DAB1: variants seen among roughly 807,000 people sequenced by gnomAD.
DAB1 encodes disabled homolog 1.
DAB1 carries 15 observed loss-of-function variants against 64.6 expected under a neutral mutation model. The ratio of observed to expected loss-of-function variants is 0.23; its 90% CI spans 0.16 to 0.36. The LOEUF is 0.36. DAB1 is among the 10% of genes least tolerant of loss of function. The pLI is 1.00. For missense variants in DAB1, 596 were observed against 706.7 expected (o/e 0.84, Z 1.78); for synonymous variants, 235 against 251.9 (o/e 0.93, Z 0.64).
chr1:57,287,166 G>A (rs1672383021), intron 2 of DAB1, among the ~76,000 whole-genome samples: 1 of 152,096 alleles, frequency 6.6e-6, no homozygotes, highest in Non-Finnish European at 1.5e-5. Context: ...CCAATTCATG[G>A]GCTCAAGCCA....
intron 4 of DAB1, among the ~76,000 whole-genome samples, chr1:58,187,266 C>T (rs967021236): frequency 2.0e-5 from 3 of 149,820 alleles, no homozygotes; most frequent in African/African-American, 4.9e-5. Flanking sequence ...CAAGTCCAGC[C>T]TGGACACCAA....
chr1:57,674,324 G>A (rs989761708), intron 6 of DAB1, among the ~76,000 whole-genome samples: 1 of 152,168 alleles, frequency 6.6e-6, no homozygotes, highest in Admixed American at 6.6e-5. Context: ...TTTTATGGAT[G>A]AGCAAATTGA....
rs547345451 is a variant in DAB1 at position 57,134,587 on chromosome 1, C to T, written c.306+1956G>A. ...ATTGGGTACTAGGCTTAGTACCTAG[C>T]TGACAGAATAATTTGTACAACAAAC... On this transcript the variant is annotated intron_variant, in intron 4 of 14. Coordinates refer to ENST00000371236, the MANE Select transcript of DAB1 (RefSeq NM_001365792.1). Among the ~76,000 whole-genome samples, 11 of 152,104 alleles carry T rather than the reference C, an allele frequency of 7.2e-5. No individual in the cohort carries two copies. In the South Asian group the frequency reaches 1.9e-3, roughly 26 times the overall value.
rs542505906 is a variant in DAB1 at position 57,423,932 on chromosome 1, C to T, written c.-139G>A. 1.3e-5 allele frequency: 2 copies of T among 152,196 alleles called. No individual in the cohort carries two copies. The highest frequency in any genetic ancestry group is 1.3e-4 in the Admixed American group (2 of 15,282). The allele number at this position is 152,196 out of a possible 1,614,324, so 9.4% of individuals were successfully genotyped here. On this transcript the variant is annotated splice_region_variant and 5_prime_UTR_variant, in exon 1 of 15. Transcript: ENST00000371236. ...CGCGCGCCCCCGCCGCGCCTCACCT[C>T]GCCTAGCCCAGAGCATCCTCCTCCG...
At chr1:57,096,523 C>A (rs552548584) in intron 4 of DAB1, among the ~76,000 whole-genome samples, 1 of 152,224 alleles carries the variant, frequency 6.6e-6, no homozygotes, top group South Asian at 2.1e-4. Flanking sequence ...GCTCTGCATC[C>A]CCATCTTCCT....
chr1:58,524,977 G>A (rs1038893779), intron 2 of DAB1, among the ~76,000 whole-genome samples: 1 of 152,152 alleles, frequency 6.6e-6, no homozygotes, highest in Non-Finnish European at 1.5e-5. Context: ...GCAACAGGAA[G>A]TGAATACAAA....
chr1:57,072,863 T>A (rs907456878), intron 4 of DAB1, among the ~76,000 whole-genome samples: 3 of 152,322 alleles, frequency 2.0e-5, no homozygotes, highest in African/African-American at 7.2e-5. Context: ...ACTATACATG[T>A]GCATGGTGAC....
chr1:58,490,884 C>G (rs975116547), intron 3 of DAB1, among the ~76,000 whole-genome samples: 2 of 140,110 alleles, frequency 1.4e-5, no homozygotes, highest in Non-Finnish European at 3.0e-5. Flanking sequence ...CGGCTCACAG[C>G]AAGCTCTGCC....
At chr1:57,964,611 CA>C (rs1330322096) in intron 5 of DAB1, among the ~76,000 whole-genome samples, 182 of 152,278 alleles carry the variant, frequency 1.2e-3, no homozygotes, top group African/African-American at 4.2e-3. Context: ...TTTGACATTA[CA>C]ATTGTTTACA....
intron 3 of DAB1, among the ~76,000 whole-genome samples, chr1:58,375,130 G>A (rs1432700721): frequency 6.7e-6 from 1 of 149,230 alleles, no homozygotes; most frequent in East Asian, 1.9e-4. Context: ...CTGCAAACAG[G>A]GACAATTTGA....
At chr1:58,253,766 C>A (rs1437632622) in intron 4 of DAB1, among the ~76,000 whole-genome samples, 8 of 152,202 alleles carry the variant, frequency 5.3e-5, no homozygotes, top group African/African-American at 1.9e-4. Flanking sequence ...CCTTCTGGCT[C>A]CAAATCTAGG....
chr1:57,050,072 C>G (rs1043788922), intron 9 of DAB1, among the ~76,000 whole-genome samples: 3 of 152,282 alleles, frequency 2.0e-5, no homozygotes, highest in African/African-American at 7.2e-5. Flanking sequence ...TCCCTAAGGA[C>G]AGTAGCCACT....
intron 3 of DAB1, among the ~76,000 whole-genome samples, chr1:58,505,379 A>C (rs543107300): frequency 6.6e-6 from 1 of 152,262 alleles, no homozygotes; most frequent in African/African-American, 2.4e-5. Flanking sequence ...GAGAGCGTGT[A>C]ACGTGGCTCA....
At chr1:57,330,565 C>T (rs1367856071) in intron 1 of DAB1, among the ~76,000 whole-genome samples, 4 of 152,160 alleles carry the variant, frequency 2.6e-5, no homozygotes, top group Non-Finnish European at 5.9e-5. Context: ...AAGCATCAAG[C>T]CCTGAATGTA....
At chr1:57,981,880 C>T (rs1646074956) in intron 5 of DAB1, among the ~76,000 whole-genome samples, 1 of 152,188 alleles carries the variant, frequency 6.6e-6, no homozygotes, top group Non-Finnish European at 1.5e-5. Context: ...TTTCCTTTCT[C>T]TTAACCCACT....
At chr1:57,807,041 G>T (rs766323045) in intron 6 of DAB1, among the ~76,000 whole-genome samples, 1 of 152,194 alleles carries the variant, frequency 6.6e-6, no homozygotes, top group Admixed American at 6.5e-5. Context: ...TGCTCTCCCC[G>T]ACTGGCATGA....
chr1:57,036,159 T>C (rs1371272929), intron 9 of DAB1, among the ~76,000 whole-genome samples: 1 of 152,046 alleles, frequency 6.6e-6, no homozygotes, highest in East Asian at 1.9e-4. Flanking sequence ...TATTTGGAAA[T>C]AGAGGAAAAA....
intron 3 of DAB1, among the ~76,000 whole-genome samples, chr1:57,141,028 T>G (rs1430444648): frequency 6.6e-6 from 1 of 152,190 alleles, no homozygotes. Context: ...AAAACATATG[T>G]GTAAATGCAG....
At position 57,272,244 on chromosome 1, in the gene DAB1, A is replaced by G. The variant is rs1558064052; in HGVS notation, c.67+18720T>C. ...AGGCTGAGCATTCAGCCTTAAAGCCATAAAGTAGAACCACACGCCTGGAGA... is the reference window on the plus strand; with the variant it reads ...AGGCTGAGCATTCAGCCTTAAAGCCGTAAAGTAGAACCACACGCCTGGAGA... On this transcript the variant is annotated intron_variant, in intron 2 of 14. Coordinates refer to ENST00000371236, the MANE Select transcript of DAB1 (RefSeq NM_001365792.1). Among the ~76,000 whole-genome samples, 3 of 152,304 alleles carry G rather than the reference A, an allele frequency of 2.0e-5. No homozygotes were observed. The East Asian group carries it at 5.8e-4, about 29-fold the overall frequency.
Sources: gnomAD v4.1 joint callset for allele counts (sites outside exome capture counted in the v4.1 genomes callset) on GRCh38, gnomAD v4.1.1 for gene constraint, MANE v1.5 for transcripts, NCBI Gene and HGNC (gene_info 2026-07-23, HGNC 2026-07-21) for gene names.